Variants in AIF1L observed in about 807,000 individuals in gnomAD.
The protein encoded by AIF1L is allograft inflammatory factor 1-like.
A neutral mutation model predicts 20.7 loss-of-function variants in AIF1L; 12 were observed. The ratio of observed to expected loss-of-function variants is 0.58; its 90% CI spans 0.37 to 0.94. The LOEUF is 0.94. Among genes scored for constraint, AIF1L ranks in the 40% least tolerant of loss-of-function variants. The pLI is 0.01. For synonymous variants in AIF1L, 76 were observed against 65.1 expected, an observed-to-expected ratio of 1.17 and a Z score of -0.81; for missense variants, 173 against 185.3, an observed-to-expected ratio of 0.93 and a Z score of 0.39.
chr9:131,114,564 C>T lies in AIF1L; in HGVS notation c.161-13C>T, dbSNP rs775547349. The T allele has an allele frequency of 1.2e-6, 2 of 1,613,964 alleles. No homozygotes were observed. The highest frequency in any genetic ancestry group is 4.5e-5 in the East Asian group (2 of 44,880). The stretch of plus-strand genomic sequence containing the variant: ...TTCCAAACTAATGCTAGTTTTTGCT[C>T]TGTGATTTCCAGAGAAGTACATGGA... On this transcript the variant is annotated splice_polypyrimidine_tract_variant and intron_variant, in intron 3 of 5. Transcript: ENST00000247291.
At chr9:131,113,594 C>T (rs1830944006) in intron 3 of AIF1L, among the ~76,000 whole-genome samples, 3 of 151,032 alleles carry the variant, frequency 2.0e-5, no homozygotes, top group Admixed American at 2.0e-4. Context: ...CCTAGGTGAG[C>T]TGTGTATCCC....
intron 2 of AIF1L, 42 bp downstream of exon 2, chr9:131,096,905 G>T (rs1375225775): frequency 2.7e-6 from 4 of 1,496,676 alleles, no homozygotes; most frequent in African/African-American, 1.5e-5. Context: ...CCCGAGCCGC[G>T]CGCTGCGCGG....
chr9:131,098,331 C>G (rs1258141845), intron 2 of AIF1L: 1 of 152,556 alleles, frequency 6.6e-6, no homozygotes, highest in Non-Finnish European at 1.5e-5. Context: ...GAAGGTTGCC[C>G]GGACATCTGG....
Position 131,111,614 on chromosome 9 carries a change from GA to G in AIF1L, c.113del (p.Lys38SerfsTer24). The G allele has an allele frequency of 6.2e-7, 1 of 1,614,040 alleles. No homozygotes were observed. Among genetic ancestry groups the G allele is most frequent in the South Asian group, 1.1e-5 (1 of 91,082 alleles). ...CTCTGTAGGAGTTTCTGTGTGACCA[GA>G]AGTACAGTGATGAAGAGAACCTTCC... ...EINREFLCDQ[K>X]YSDEENLPEK... On this transcript the variant is annotated frameshift_variant, in exon 3 of 6. Transcript: ENST00000247291. LOFTEE classifies it high-confidence loss of function.
Position 131,106,792 on chromosome 9 carries a change from C to T in AIF1L, c.94-4805C>T, listed in dbSNP as rs190917791. Among the ~76,000 whole-genome samples the T allele has an allele frequency of 2.8e-3, 430 of 151,424 alleles. 3 individuals are homozygous for T. The highest frequency in any genetic ancestry group is 9.9e-3 in the African/African-American group (408 of 41,110). ...CCGCATTGAGAAGGTGACATTCGGC[C>T]GCATTGAGAAGGTGACATTGAGGCT... On this transcript the variant is annotated intron_variant, in intron 2 of 5. Coordinates refer to ENST00000247291, the MANE Select transcript of AIF1L (RefSeq NM_031426.4).
chr9:131,106,123 C>T (rs1463824067), intron 2 of AIF1L: 19 of 1,508,752 alleles, frequency 1.3e-5, no homozygotes, highest in Admixed American at 2.0e-5. Flanking sequence ...GGCACTTCGA[C>T]GCTAAACCTG....
At chr9:131,101,513 A>T (rs921989003) in intron 2 of AIF1L, among the ~76,000 whole-genome samples, 1 of 145,386 alleles carries the variant, frequency 6.9e-6, no homozygotes, top group African/African-American at 2.5e-5. Context: ...CGCCAAGCTA[A>T]TTTTTTTTTT....
intron 4 of AIF1L, 40 bp downstream of exon 4, chr9:131,114,658 A>C (rs1469797692): frequency 6.2e-7 from 1 of 1,612,620 alleles, no homozygotes; most frequent in Non-Finnish European, 8.5e-7. Context: ...GGAGGGTGTT[A>C]AGTGGGTAGA....
chr9:131,117,579 A>G (rs986419926), intron 4 of AIF1L, among the ~76,000 whole-genome samples, 177 bp from the exon 5 acceptor site: 2 of 152,180 alleles, frequency 1.3e-5, no homozygotes, highest in African/African-American at 4.8e-5. Flanking sequence ...GTCACTAACC[A>G]CTAGCCTATA....
chr9:131,097,436 G>A (rs1033865301), intron 2 of AIF1L, among the ~76,000 whole-genome samples: 2 of 152,070 alleles, frequency 1.3e-5, no homozygotes, highest in Non-Finnish European at 2.9e-5. Context: ...AGACTCTGAT[G>A]GGCGTAGAGA....
chr9:131,099,582 G>C (rs560524787), intron 2 of AIF1L, among the ~76,000 whole-genome samples: 1 of 152,342 alleles, frequency 6.6e-6, no homozygotes, highest in South Asian at 2.1e-4. Context: ...GGCAGCTTGG[G>C]CACCGCCATG....
rs1283923560 is a variant in AIF1L, at chr9:131,121,046, C to T, written c.*724C>T. On this transcript the variant is annotated 3_prime_UTR_variant, in exon 6 of 6. Transcript: ENST00000247291. ...CCCTTACTGGGGCAGCAGAGGGCTT[C>T]GGAGGCAGAAGTGAGGCCTGGGGTT... 3.4e-5 allele frequency: 24 copies of T among 697,784 alleles called. No homozygotes were observed. Among genetic ancestry groups the T allele is most frequent in the South Asian group, 2.7e-4 (17 of 63,854 alleles). 43.2% of individuals were successfully genotyped at this position (697,784 alleles called of 1,614,324 possible).
intron 5 of AIF1L, among the ~76,000 whole-genome samples, chr9:131,119,298 C>T (rs1013912532): frequency 1.3e-5 from 2 of 152,070 alleles, no homozygotes; most frequent in Non-Finnish European, 2.9e-5. Flanking sequence ...GTCAGGAGTT[C>T]GAGACTAGCC....
chr9:131,115,486 G>C (rs886583900), intron 4 of AIF1L, among the ~76,000 whole-genome samples: 2 of 129,440 alleles, frequency 1.5e-5, no homozygotes, highest in Non-Finnish European at 3.4e-5. Context: ...CAAAAAGAAA[G>C]GTGAAATGAC....
intron 2 of AIF1L, among the ~76,000 whole-genome samples, chr9:131,104,825 G>A (rs1830710060): frequency 6.6e-6 from 1 of 151,724 alleles, no homozygotes; most frequent in Non-Finnish European, 1.5e-5. Context: ...TTGGGCCCAG[G>A]AGGTTGAGGT....
rs115356835 is a variant in AIF1L, at chr9:131,107,151, T to C, written c.94-4446T>C. Among the ~76,000 whole-genome samples, 1,448 of 152,062 alleles carry C rather than the reference T, an allele frequency of 9.5e-3. 28 individuals carry two copies. The highest frequency in any genetic ancestry group is 0.033 in the African/African-American group (1,362 of 41,484). On this transcript the variant is annotated intron_variant, in intron 2 of 5. Transcript: ENST00000247291. ...GGTGACATTGAGCAAAGGCTTGAAG[T>C]TGGTGAGGGAGAGAACCACGCAGAT... is the stretch of plus-strand genomic sequence containing the variant.
At chr9:131,096,909 T>C in intron 2 of AIF1L, 46 bp downstream of exon 2, 2 of 1,489,972 alleles carry the variant, frequency 1.3e-6, no homozygotes, top group South Asian at 1.3e-5. Flanking sequence ...AGCCGCGCGC[T>C]GCGCGGGTGC....
At position 131,103,270 on chromosome 9, in the gene AIF1L, G is replaced by A. The variant is rs552043369; in HGVS notation, c.93+6407G>A. ...ATGGCCCATCACTGCCAGGTCAGCC[G>A]GGGGCTGAGGACAAAGCAAAACTTG... On this transcript the variant is annotated intron_variant, in intron 2 of 5. Transcript: ENST00000247291. 2.0e-4 allele frequency among the ~76,000 whole-genome samples: 31 copies of A among 152,340 alleles called. No individual in the cohort carries two copies. The East Asian group carries it at 4.4e-3, about 22-fold the overall frequency.
At chr9:131,114,729 A>G (rs1661379831) in intron 4 of AIF1L, 111 bp downstream of exon 4, 1 of 1,399,938 alleles carries the variant, frequency 7.1e-7, no homozygotes, top group Admixed American at 1.7e-5. Flanking sequence ...GCTGGTGAAT[A>G]TGTTGCGCCG....
Sources: allele counts gnomAD v4.1 joint callset (sites outside exome capture counted in the v4.1 genomes callset), GRCh38; gene constraint gnomAD v4.1.1; transcripts MANE v1.5; gene names NCBI Gene and HGNC (gene_info 2026-07-23, HGNC 2026-07-21).